The following CHRM1 variants were observed in gnomAD, a reference collection of about 807,000 sequenced individuals.
CHRM1 encodes the protein cholinergic receptor muscarinic 1.
Under a neutral mutation model 31.6 loss-of-function variants are expected in CHRM1, and 5 were observed. The observed-to-expected ratio is 0.16, with a 90% CI of 0.08 to 0.33. The LOEUF (loss-of-function observed/expected upper bound fraction) is 0.33, where lower values mean the gene tolerates loss of function less well. CHRM1 is among the 10% of genes least tolerant of loss of function. The probability of loss-of-function intolerance (pLI) is 1.00; values close to 1 mark genes in which losing one functional copy is unlikely to be tolerated. For missense variants in CHRM1, 338 were observed against 610.3 expected (o/e 0.55, Z 4.70); for synonymous variants, 227 against 249.7 (o/e 0.91, Z 0.86).
chr11:62,913,409 C>T (rs1217357951), intron 1 of CHRM1, among the ~76,000 whole-genome samples: 4 of 152,166 alleles, frequency 2.6e-5, no homozygotes, highest in Admixed American at 6.5e-5. Flanking sequence ...CGGTGGCTCA[C>T]GCCTGTAATC....
rs746998954 is a variant in CHRM1 at position 62,911,041 on chromosome 11, C to T, written c.60G>A (p.Lys20=). The T allele has an allele frequency of 1.2e-6, 2 of 1,614,170 alleles. No individual in the cohort carries two copies. The highest frequency in any genetic ancestry group is 1.7e-6 in the Non-Finnish European group (2 of 1,180,032). ...SPNITVLAPG[K]GPWQVAFIGI... is the part of the protein sequence containing the mutation. ...CAATGAAGGCCACTTGCCAGGGACC[C>T]TTTCCTGGTGCCAGGACGGTGATGT... Residue 20 remains lysine (K), a synonymous_variant, in exon 2 of 2, where the codon AAG becomes AAA. Coordinates refer to ENST00000306960, the MANE Select transcript of CHRM1 (RefSeq NM_000738.3).
At position 62,914,563 on chromosome 11, in the gene CHRM1, G is replaced by T. The variant is rs531514083; in HGVS notation, c.-78-3385C>A. On this transcript the variant is annotated intron_variant, in intron 1 of 1. Transcript: ENST00000306960. ...GAGGCCACTGGTAGACACTACCCTTGAGAATTTGTGCAATTCTTGTCACTG... is the reference window on the plus strand; with the variant it reads ...GAGGCCACTGGTAGACACTACCCTTTAGAATTTGTGCAATTCTTGTCACTG... 7.2e-5 allele frequency among the ~76,000 whole-genome samples: 11 copies of T among 152,330 alleles called. No individual in the cohort carries two copies. In the East Asian group the frequency reaches 2.1e-3, roughly 29 times the overall value.
At chr11:62,919,468 G>A (rs958080889) in intron 1 of CHRM1, among the ~76,000 whole-genome samples, 1 of 152,178 alleles carries the variant, frequency 6.6e-6, no homozygotes, top group African/African-American at 2.4e-5. Flanking sequence ...CCATGACAGA[G>A]CCTGGGCATG....
At chr11:62,912,669 C>T (rs1337981220) in intron 1 of CHRM1, among the ~76,000 whole-genome samples, 1 of 152,222 alleles carries the variant, frequency 6.6e-6, no homozygotes, top group East Asian at 1.9e-4. Flanking sequence ...CCCACAGCCA[C>T]AGTGAAGCCA....
intron 1 of CHRM1, among the ~76,000 whole-genome samples, chr11:62,919,499 C>T (rs1188504043): frequency 1.3e-5 from 2 of 152,208 alleles, no homozygotes; most frequent in Admixed American, 6.5e-5. Context: ...CCCTAGACCT[C>T]ACTCTGCCAG....
At position 62,909,741 on chromosome 11, in the gene CHRM1, G is replaced by A. The variant is rs376730515; in HGVS notation, c.1360C>T (p.Arg454Cys). Reference sequence around the variant, plus strand: ...TATCAGCATTGGCGGGAGGGAGTGCGGTGCACGGAGCCAGGGCGCTTGGGG... The same window carrying A: ...TATCAGCATTGGCGGGAGGGAGTGCAGTGCACGGAGCCAGGGCGCTTGGGG... ...KIPKRPGSVH[R>C]TPSRQC The change falls in exon 2 of 2, where the codon CGC becomes TGC. Residue 454 changes from arginine (R) to cysteine (C), a missense_variant. This residue lies in a region of CHRM1 where 68 missense variants were observed against 108.5 expected (regional missense o/e 0.63). Transcript: ENST00000306960. The A allele has an allele frequency of 2.5e-6, 4 of 1,613,840 alleles. No homozygotes were observed. Among genetic ancestry groups the A allele is most frequent in the Non-Finnish European group, 3.4e-6 (4 of 1,179,862 alleles).
intron 1 of CHRM1, among the ~76,000 whole-genome samples, chr11:62,917,232 G>T (rs2135047070): frequency 6.6e-6 from 1 of 152,332 alleles, no homozygotes; most frequent in Admixed American, 6.5e-5. Context: ...AGATTCCCCT[G>T]GGGAGACCAG....
rs778155335 is a variant in CHRM1, at chr11:62,910,100, C to T, written c.1001G>A (p.Arg334His). Residue 334 changes from arginine (R) to histidine (H), a missense_variant, in exon 2 of 2, where the codon CGT becomes CAT. Physicochemically the swap from Arg to His is conservative, Grantham distance 29. This residue lies in a region of CHRM1 where 183 missense variants were observed against 223.4 expected (regional missense o/e 0.82). Transcript: ENST00000306960. This position sits in a 1 kb window ranked among gnomAD's most constrained non-coding sequence, Gnocchi z 8.7. ...NTVKRPTKKG[R>H]DRAGKGQKPR... Reference sequence around the variant, plus strand: ...CTTCTGGCCCTTGCCAGCTCGATCACGCCCTTTCTTAGTCGGCCTCTTGAC... The same window carrying T: ...CTTCTGGCCCTTGCCAGCTCGATCATGCCCTTTCTTAGTCGGCCTCTTGAC... The T allele has an allele frequency of 5.9e-5, 95 of 1,611,908 alleles. No homozygotes were observed. The highest frequency in any genetic ancestry group is 7.3e-5 in the Non-Finnish European group (86 of 1,179,426).
At position 62,912,581 on chromosome 11, in the gene CHRM1, G is replaced by C. The variant is rs575203630; in HGVS notation, c.-78-1403C>G. On this transcript the variant is annotated intron_variant, in intron 1 of 1. Coordinates refer to ENST00000306960, the MANE Select transcript of CHRM1 (RefSeq NM_000738.3). ...GATCCCCCAGACTTTTCTTGGATCT[G>C]GAATCTGCTCCAGGCACTAAGCCTG... is the stretch of plus-strand genomic sequence containing the variant. 4.6e-5 allele frequency among the ~76,000 whole-genome samples: 7 copies of C among 152,258 alleles called. No homozygotes were observed. In the East Asian group the frequency reaches 1.4e-3, roughly 29 times the overall value.
intron 1 of CHRM1, among the ~76,000 whole-genome samples, chr11:62,917,215 T>C (rs1035888467): frequency 1.3e-5 from 2 of 152,206 alleles, no homozygotes; most frequent in Non-Finnish European, 2.9e-5. Flanking sequence ...TTTCCCATGA[T>C]TGTGGCAGAT....
chr11:62,912,438 G>C (rs1356042558), intron 1 of CHRM1, among the ~76,000 whole-genome samples: 1 of 151,966 alleles, frequency 6.6e-6, no homozygotes, highest in African/African-American at 2.4e-5. Flanking sequence ...GCAGGGATGA[G>C]GGCCTCAGCT....
intron 1 of CHRM1, among the ~76,000 whole-genome samples, chr11:62,911,636 G>A (rs1036568790): frequency 1.3e-5 from 2 of 152,192 alleles, no homozygotes; most frequent in Non-Finnish European, 2.9e-5. Context: ...TTTAACTGCT[G>A]TACGTCTCTA....
Position 62,909,661 on chromosome 11 carries a change from C to G in CHRM1, c.*57G>C, listed in dbSNP as rs983393367. On this transcript the variant is annotated 3_prime_UTR_variant, in exon 2 of 2. Transcript: ENST00000306960. ...TGGGGCTGAGGATGCAGCCCCTGCCCTCTTCCCACCGGCCTTTCCCGGGGA... is the reference window on the plus strand; with the variant it reads ...TGGGGCTGAGGATGCAGCCCCTGCCGTCTTCCCACCGGCCTTTCCCGGGGA... The G allele has an allele frequency of 1.7e-5, 27 of 1,578,386 alleles. No homozygotes were observed. In the South Asian group the frequency reaches 2.3e-4, roughly 13 times the overall value.
Position 62,909,671 on chromosome 11 carries a change from C to T in CHRM1, c.*47G>A, listed in dbSNP as rs777665237. The T allele has an allele frequency of 1.6e-5, 26 of 1,588,188 alleles. No individual in the cohort carries two copies. The highest frequency in any genetic ancestry group is 1.7e-4 in the Middle Eastern group (1 of 5,792). On this transcript the variant is annotated 3_prime_UTR_variant, in exon 2 of 2. Transcript: ENST00000306960. Reference sequence around the variant, plus strand: ...GATGCAGCCCCTGCCCTCTTCCCACCGGCCTTTCCCGGGGACTGGGGTGGA... The same window carrying T: ...GATGCAGCCCCTGCCCTCTTCCCACTGGCCTTTCCCGGGGACTGGGGTGGA...
At position 62,909,920 on chromosome 11, in the gene CHRM1, C is replaced by A; in HGVS notation, c.1181G>T (p.Cys394Phe). The A allele has an allele frequency of 1.2e-6, 2 of 1,614,230 alleles. No individual in the cohort carries two copies. Among genetic ancestry groups the A allele is most frequent in the Non-Finnish European group, 1.7e-6 (2 of 1,180,032 alleles). ...MVLVSTFCKD[C>F]VPETLWELGY... ...CAGCTCCCACAGGGTCTCGGGAACACAGTCCTTGCAGAAGGTGGACACCAG... is the reference window on the plus strand; with the variant it reads ...CAGCTCCCACAGGGTCTCGGGAACAAAGTCCTTGCAGAAGGTGGACACCAG... The change falls in exon 2 of 2, where the codon TGT (cysteine) becomes TTT (phenylalanine). Residue 394 changes from cysteine (C) to phenylalanine (F), a missense_variant. Cys to Phe is a radical substitution (Grantham distance 205). Around this residue, in one of 4 missense-constraint regions of CHRM1, gnomAD observed 68 missense variants for 108.5 expected, o/e 0.63. Transcript: ENST00000306960.
intron 1 of CHRM1, among the ~76,000 whole-genome samples, chr11:62,913,948 CT>C (rs557640543): frequency 6.9e-4 from 97 of 139,992 alleles, no homozygotes; most frequent in Middle Eastern, 3.7e-3. Flanking sequence ...TTTTCTTTTT[CT>C]TTTTTTTTTT....
chr11:62,919,578 TCTC>T (rs1463754175), intron 1 of CHRM1, among the ~76,000 whole-genome samples: 1 of 151,338 alleles, frequency 6.6e-6, no homozygotes, highest in East Asian at 1.9e-4. Flanking sequence ...CTCCTTGCAC[TCTC>T]CTCCTCATTT....
intron 1 of CHRM1, among the ~76,000 whole-genome samples, chr11:62,915,432 C>T (rs2085895460): frequency 6.6e-6 from 1 of 152,174 alleles, no homozygotes; most frequent in African/African-American, 2.4e-5. Context: ...CTCACCTCAC[C>T]CTAATCCTGA....
chr11:62,913,500 T>C (rs1042154568), intron 1 of CHRM1, among the ~76,000 whole-genome samples: 18 of 152,182 alleles, frequency 1.2e-4, no homozygotes, highest in African/African-American at 3.4e-4. Flanking sequence ...AGTGAAACTC[T>C]GTCTCTACTA....
Sources: allele counts gnomAD v4.1 joint callset (sites outside exome capture counted in the v4.1 genomes callset), GRCh38; gene constraint gnomAD v4.1.1; regional missense constraint gnomAD v4.1.1; non-coding constraint Gnocchi (gnomAD v3.1); transcripts MANE v1.5; gene names NCBI Gene and HGNC (gene_info 2026-07-23, HGNC 2026-07-21).